EFHC2: variants seen among roughly 807,000 people sequenced by gnomAD.
EFHC2 encodes the protein EF-hand domain-containing family member C2.
A neutral mutation model predicts 52.7 loss-of-function variants in EFHC2; 18 were observed. That is an observed-to-expected ratio of 0.34 (90% CI 0.24 to 0.51). The LOEUF (loss-of-function observed/expected upper bound fraction) is 0.51. EFHC2 is among the 20% of genes least tolerant of loss of function. EFHC2 has a pLI of 0.97. For missense variants in EFHC2, 513 were observed against 562.5 expected (o/e 0.91, Z 0.89); for synonymous variants, 203 against 204.1 (o/e 0.99, Z 0.04).
chrX:44,319,751 TTA>T (rs2038006109), intron 1 of EFHC2, among the ~76,000 whole-genome samples: 1 of 111,761 alleles, frequency 8.9e-6, no homozygotes, highest in African/African-American at 3.2e-5. Context: ...TAAATATGTT[TTA>T]GTTTTCCAAA....
chrX:44,305,829 C>T (rs2037901758), intron 2 of EFHC2, among the ~76,000 whole-genome samples: 1 of 112,118 alleles, frequency 8.9e-6, no homozygotes, highest in Non-Finnish European at 1.9e-5. Context: ...GCTGCTGTGC[C>T]CTAGGAATTA....
intron 13 of EFHC2, among the ~76,000 whole-genome samples, chrX:44,170,318 C>T (rs888195687): frequency 2.7e-5 from 3 of 111,096 alleles, no homozygotes; most frequent in Admixed American, 9.6e-5. Flanking sequence ...ATTTTTCATG[C>T]CATCATTTGT....
chrX:44,331,990 C>A (rs2038089665), intron 1 of EFHC2, among the ~76,000 whole-genome samples: 1 of 109,639 alleles, frequency 9.1e-6, no homozygotes, highest in African/African-American at 3.3e-5. Flanking sequence ...GTAAATAGGA[C>A]CTCTCTGTAC....
intron 8 of EFHC2, among the ~76,000 whole-genome samples, chrX:44,237,609 C>T (rs1427163349): frequency 8.9e-6 from 1 of 111,841 alleles, no homozygotes; most frequent in Non-Finnish European, 1.9e-5. Flanking sequence ...GTTTGCTCTA[C>T]CTAAACTGCT....
intron 4 of EFHC2, among the ~76,000 whole-genome samples, chrX:44,257,078 G>T (rs1396019947): frequency 9.0e-6 from 1 of 111,302 alleles, no homozygotes; most frequent in Non-Finnish European, 1.9e-5. Flanking sequence ...TGCAGAAAAG[G>T]CCTTCAATAA....
In EFHC2 at chrX:44,148,128, T is replaced by C. The variant is rs186607766; in HGVS notation, c.*667A>G. 3 of 111,107 alleles carry C rather than the reference T, an allele frequency of 2.7e-5. No homozygotes were observed. Among genetic ancestry groups the C allele is most frequent in the African/African-American group, 6.5e-5 (2 of 30,610 alleles). 9.2% of individuals were successfully genotyped at this position (111,107 alleles called of 1,213,427 possible). A position where few individuals can be genotyped will look rare whatever the true frequency, so the allele number is the denominator to read the frequency against. ...TAAAGTTTTGGTCAAACTATAATTATACACACATGCATATATTCCTAAGCT... is the reference window on the plus strand; with the variant it reads ...TAAAGTTTTGGTCAAACTATAATTACACACACATGCATATATTCCTAAGCT... On this transcript the variant is annotated 3_prime_UTR_variant, in exon 15 of 15. Coordinates refer to ENST00000420999, the MANE Select transcript of EFHC2 (RefSeq NM_025184.4).
At chrX:44,311,340 G>C (rs1387962953) in intron 2 of EFHC2, among the ~76,000 whole-genome samples, 1 of 112,116 alleles carries the variant, frequency 8.9e-6, no homozygotes, top group Non-Finnish European at 1.9e-5. Context: ...ATGACATGGG[G>C]ATGTGTCAAT....
intron 14 of EFHC2, among the ~76,000 whole-genome samples, chrX:44,151,774 A>G (rs1451218445): frequency 8.9e-6 from 1 of 112,047 alleles, no homozygotes; most frequent in Non-Finnish European, 1.9e-5. Context: ...GAAAGCAGGA[A>G]AAGTTGAAAA....
At chrX:44,150,033 C>A (rs2036558064) in intron 14 of EFHC2, among the ~76,000 whole-genome samples, 1 of 111,502 alleles carries the variant, frequency 9.0e-6, no homozygotes, top group Non-Finnish European at 1.9e-5. Context: ...TTTGCATATG[C>A]CTCAATGGTT....
intron 14 of EFHC2, among the ~76,000 whole-genome samples, chrX:44,162,860 T>C (rs2036667529): frequency 9.0e-6 from 1 of 111,123 alleles, no homozygotes; most frequent in Non-Finnish European, 1.9e-5. Context: ...AACGTACCAA[T>C]TCCCCCATCA....
chrX:44,189,208 A>G (rs1602142256), intron 11 of EFHC2, among the ~76,000 whole-genome samples: 1 of 110,475 alleles, frequency 9.1e-6, no homozygotes, highest in Non-Finnish European at 1.9e-5. Flanking sequence ...AGGCACAGAC[A>G]TTATCAAGAG....
chrX:44,157,064 T>A (rs1410806749), intron 14 of EFHC2, among the ~76,000 whole-genome samples: 2 of 112,671 alleles, frequency 1.8e-5, no homozygotes, highest in African/African-American at 3.2e-5. Flanking sequence ...ACAGTCATGA[T>A]GGATGATGGC....
intron 4 of EFHC2, among the ~76,000 whole-genome samples, chrX:44,253,462 C>T (rs1180895584): frequency 9.0e-6 from 1 of 111,236 alleles, no homozygotes; most frequent in Non-Finnish European, 1.9e-5. Flanking sequence ...ATTACTGAGG[C>T]TTGTGTAGGC....
At chrX:44,323,491 G>C (rs1323867986) in intron 1 of EFHC2, among the ~76,000 whole-genome samples, 1 of 111,798 alleles carries the variant, frequency 8.9e-6, no homozygotes, top group Non-Finnish European at 1.9e-5. Context: ...CTGAATTTGG[G>C]CAGAGTAAAA....
intron 3 of EFHC2, among the ~76,000 whole-genome samples, chrX:44,262,529 A>G (rs971210668): frequency 8.6e-5 from 9 of 104,615 alleles, no homozygotes; most frequent in African/African-American, 2.8e-4. Context: ...AAAAAAAAAA[A>G]AAAAAAGAAA....
chrX:44,264,435 C>A (rs764410916), intron 3 of EFHC2, among the ~76,000 whole-genome samples: 12 of 112,169 alleles, frequency 1.1e-4, no homozygotes, highest in Non-Finnish European at 1.9e-4. Flanking sequence ...TGACTTGCCT[C>A]TCCCAGGAGC....
At chrX:44,318,908 G>T (rs1158648498) in intron 1 of EFHC2, among the ~76,000 whole-genome samples, 1 of 110,919 alleles carries the variant, frequency 9.0e-6, no homozygotes, top group Non-Finnish European at 1.9e-5. Context: ...GTTTCCCGAG[G>T]GACACAGGGA....
intron 3 of EFHC2, among the ~76,000 whole-genome samples, chrX:44,262,934 A>G (rs1379858700): frequency 1.8e-5 from 2 of 112,294 alleles, no homozygotes; most frequent in Non-Finnish European, 3.8e-5. Flanking sequence ...CTAAGCCTCT[A>G]TCTTCCAACG....
chrX:44,308,794 CTTACT>C (rs1405773913), intron 2 of EFHC2, among the ~76,000 whole-genome samples: 1 of 112,815 alleles, frequency 8.9e-6, no homozygotes, highest in Admixed American at 9.4e-5. Context: ...ACAAGTTTAA[CTTACT>C]TTAGTCACTT....
Sources: allele counts gnomAD v4.1 joint callset (sites outside exome capture counted in the v4.1 genomes callset), GRCh38; gene constraint gnomAD v4.1.1; transcripts MANE v1.5; gene names NCBI Gene and HGNC (gene_info 2026-07-23, HGNC 2026-07-21).